Variants in RNF150 observed in about 807,000 individuals in gnomAD.
RNF150 encodes ring finger protein 150.
In RNF150, 24 loss-of-function variants were observed where a neutral mutation model predicts 39.3. That is an observed-to-expected ratio of 0.61 (90% CI 0.44 to 0.86). The LOEUF (loss-of-function observed/expected upper bound fraction) is 0.86, where lower values mean the gene tolerates loss of function less well. RNF150 is among the 40% of genes least tolerant of loss of function. The pLI is 0.00. For synonymous variants in RNF150, 255 were observed against 227.3 expected (o/e 1.12, Z -1.10); for missense variants, 502 against 587.8 (o/e 0.85, Z 1.51).
At chr4:141,100,912 C>T (rs557890882) in intron 1 of RNF150, among the ~76,000 whole-genome samples, 1 of 152,246 alleles carries the variant, frequency 6.6e-6, no homozygotes, top group East Asian at 1.9e-4. Context: ...AGAAAAGGTA[C>T]AGTAAAAATA....
intron 1 of RNF150, among the ~76,000 whole-genome samples, chr4:141,183,623 C>T (rs141846069): frequency 7.4e-4 from 113 of 152,036 alleles, no homozygotes; most frequent in Non-Finnish European, 1.4e-3. Context: ...TGCCATGGTA[C>T]TGTTTAAGCC....
chr4:141,143,454 A>G (rs900091217), intron 1 of RNF150, among the ~76,000 whole-genome samples: 2 of 152,098 alleles, frequency 1.3e-5, no homozygotes, highest in Admixed American at 1.3e-4. Context: ...TCCAATCTTC[A>G]TAATAAATCT....
intron 1 of RNF150, among the ~76,000 whole-genome samples, chr4:141,053,183 T>C (rs1736844709): frequency 6.6e-6 from 1 of 152,160 alleles, no homozygotes; most frequent in Non-Finnish European, 1.5e-5. Context: ...CATTTAAAAC[T>C]ATCAAAGCTT....
At chr4:140,943,122 G>T (rs560604488) in intron 4 of RNF150, among the ~76,000 whole-genome samples, 1 of 152,188 alleles carries the variant, frequency 6.6e-6, no homozygotes, top group Non-Finnish European at 1.5e-5. Flanking sequence ...TGAAGAGTGA[G>T]TTTTATATAA....
At chr4:140,912,381 C>T (rs1834382) in intron 5 of RNF150, among the ~76,000 whole-genome samples, 127,917 of 152,258 alleles carry the variant, frequency 0.84, 53,870 homozygotes, top group South Asian at 0.88. Context: ...TGCTCTGAAC[C>T]TCAGCTTTGT....
intron 6 of RNF150, chr4:140,910,939 C>CCTCTG: frequency 1.7e-6 from 1 of 600,468 alleles, no homozygotes; most frequent in Admixed American, 3.0e-5. Flanking sequence ...CAGGCAGGAG[C>CCTCTG]ATGGGCACAC....
At chr4:141,135,669 A>G (rs1054801726), upstream of RNF150, among the ~76,000 whole-genome samples, 5 of 152,242 alleles carry the variant, frequency 3.3e-5, no homozygotes, top group Non-Finnish European at 7.4e-5. Context: ...GAAAGTCACC[A>G]TTTGACAAGA....
At chr4:141,173,509 A>G (rs1320886962) in intron 1 of RNF150, among the ~76,000 whole-genome samples, 1 of 152,226 alleles carries the variant, frequency 6.6e-6, no homozygotes, top group Non-Finnish European at 1.5e-5. Context: ...CAGTGAGATC[A>G]AGGAGTTCAC....
chr4:141,027,429 C>T (rs1417063071), intron 1 of RNF150, among the ~76,000 whole-genome samples: 1 of 152,166 alleles, frequency 6.6e-6, no homozygotes, highest in Admixed American at 6.5e-5. Context: ...CAAATCTACA[C>T]AGTGAAAAGC....
intron 1 of RNF150, among the ~76,000 whole-genome samples, chr4:141,002,761 G>A (rs191526569): frequency 5.5e-4 from 83 of 152,266 alleles, no homozygotes; most frequent in African/African-American, 1.7e-3. Context: ...TGGGCAAAAT[G>A]ACCTGTGTTC....
intron 5 of RNF150, among the ~76,000 whole-genome samples, chr4:140,915,789 C>T (rs1730797604): frequency 6.6e-6 from 1 of 152,216 alleles, no homozygotes; most frequent in Admixed American, 6.5e-5. Flanking sequence ...AAATGGGAGG[C>T]ACCCCCCAGT....
At chr4:140,906,884 G>T (rs1264058911) in intron 6 of RNF150, among the ~76,000 whole-genome samples, 1 of 152,146 alleles carries the variant, frequency 6.6e-6, no homozygotes, top group Non-Finnish European at 1.5e-5. Flanking sequence ...GAGGACTTGT[G>T]TAGTGACTCA....
chr4:140,895,810 T>G (rs1472662583), intron 6 of RNF150, among the ~76,000 whole-genome samples: 5 of 152,248 alleles, frequency 3.3e-5, no homozygotes, highest in Non-Finnish European at 7.3e-5. Context: ...AAACTTATCT[T>G]TTGATCTGCT....
chr4:140,910,245 T>A (rs1278453286), intron 6 of RNF150, among the ~76,000 whole-genome samples: 2 of 152,118 alleles, frequency 1.3e-5, no homozygotes, highest in Non-Finnish European at 2.9e-5. Flanking sequence ...TTTCTACATT[T>A]CCAAATTTCT....
chr4:141,156,837 G>A (rs13104750), intron 1 of RNF150, among the ~76,000 whole-genome samples: 83,623 of 151,192 alleles, frequency 0.55, 23,685 homozygotes, highest in East Asian at 0.81. Context: ...AACCTGGGAC[G>A]TAGAGCTTGC....
chr4:141,018,008 C>A (rs956699442), intron 1 of RNF150, among the ~76,000 whole-genome samples: 2 of 152,094 alleles, frequency 1.3e-5, no homozygotes, highest in South Asian at 4.2e-4. Flanking sequence ...AACCTCACAT[C>A]CCATAATAAA....
intron 1 of RNF150, among the ~76,000 whole-genome samples, chr4:140,974,967 C>T (rs778630762): frequency 7.9e-5 from 12 of 152,038 alleles, no homozygotes; most frequent in Non-Finnish European, 1.6e-4. Context: ...AAAAATGCAG[C>T]ATTTGAGACT....
intron 1 of RNF150, among the ~76,000 whole-genome samples, chr4:141,097,711 T>C (rs894315179): frequency 1.3e-5 from 2 of 152,196 alleles, no homozygotes; most frequent in Non-Finnish European, 2.9e-5. Flanking sequence ...TTTCCTTTCA[T>C]TTTTTGAACC....
chr4:140,937,271 G>A (rs1294150198), intron 4 of RNF150, among the ~76,000 whole-genome samples: 1 of 151,494 alleles, frequency 6.6e-6, no homozygotes, highest in Non-Finnish European at 1.5e-5. Context: ...TCTTTTTTTT[G>A]TTTGTTTGAG....
Sources: allele counts gnomAD v4.1 joint callset (sites outside exome capture counted in the v4.1 genomes callset), GRCh38; gene constraint gnomAD v4.1.1; transcripts MANE v1.5; gene names NCBI Gene and HGNC (gene_info 2026-07-23, HGNC 2026-07-21).